The following MTA3 variants were observed in gnomAD, a reference collection of about 807,000 sequenced individuals.
MTA3 encodes metastasis associated 1 family member 3, also known as metastasis-associated protein MTA3.
In MTA3, 34 loss-of-function variants were observed where a neutral mutation model predicts 83.5. The observed-to-expected ratio is 0.41, with a 90% CI of 0.31 to 0.54. The LOEUF is 0.54. Among genes scored for constraint, MTA3 ranks in the 20% least tolerant of loss-of-function variants. The probability of loss-of-function intolerance (pLI) is 0.33; values close to 1 mark genes in which losing one functional copy is unlikely to be tolerated. For synonymous variants in MTA3, 303 were observed against 252.7 expected, an observed-to-expected ratio of 1.20 and a Z score of -1.89; for missense variants, 761 against 726.4, an observed-to-expected ratio of 1.05 and a Z score of -0.55.
chr2:42,598,578 T>A (rs1451405010), intron 3 of MTA3, among the ~76,000 whole-genome samples: 1 of 152,224 alleles, frequency 6.6e-6, no homozygotes, highest in East Asian at 1.9e-4. Flanking sequence ...GTCCTCTAAA[T>A]GCTTCTTTTG....
intron 6 of MTA3, among the ~76,000 whole-genome samples, chr2:42,653,938 C>T (rs954462476): frequency 5.3e-5 from 8 of 152,152 alleles, no homozygotes; most frequent in African/African-American, 1.4e-4. Context: ...TTTAAAAAGA[C>T]ACAGGCAGGT....
intron 16 of MTA3, among the ~76,000 whole-genome samples, chr2:42,728,684 T>C (rs147086929): frequency 7.5e-4 from 115 of 152,336 alleles, no homozygotes; most frequent in African/African-American, 2.6e-3. Context: ...ATTGTAGTTT[T>C]GATTTGCATT....
At chr2:42,742,341 G>T (rs1303214480) in intron 16 of MTA3, among the ~76,000 whole-genome samples, 1 of 152,042 alleles carries the variant, frequency 6.6e-6, no homozygotes, top group African/African-American at 2.4e-5. Context: ...CTTTCACCAT[G>T]TTGGCCAGGT....
rs576363005 is a variant in MTA3, at chr2:42,572,260, C to CAA, written c.96+1757_96+1758insAA. On this transcript the variant is annotated intron_variant, in intron 2 of 16. Coordinates refer to ENST00000405094, the MANE Select transcript of MTA3 (RefSeq NM_001330442.2). Reference sequence around the variant, plus strand: ...CGCCACTGCCCTCCAGCCTGGGTGACAGAGTGAGACTGTCTCAAAAAAAAA... The same window carrying CAA: ...CGCCACTGCCCTCCAGCCTGGGTGACAAAGAGTGAGACTGTCTCAAAAAAAAA... 4.6e-5 allele frequency among the ~76,000 whole-genome samples: 7 copies of CAA among 151,618 alleles called. No individual in the cohort carries two copies. The South Asian group carries it at 1.5e-3, about 32-fold the overall frequency.
intron 4 of MTA3, among the ~76,000 whole-genome samples, chr2:42,624,754 A>C (rs1022862286): frequency 2.0e-5 from 3 of 152,224 alleles, no homozygotes; most frequent in African/African-American, 7.2e-5. Flanking sequence ...TTAATAGTAG[A>C]CACTTGATAC....
intron 3 of MTA3, among the ~76,000 whole-genome samples, chr2:42,594,728 A>ATATATATATATATTTTTTT: frequency 8.7e-4 from 21 of 24,032 alleles, no homozygotes; most frequent in African/African-American, 1.3e-3. Context: ...ATATATATAT[A>ATATATATATATATTTTTTT]TTTTTTTTTT....
intron 16 of MTA3, among the ~76,000 whole-genome samples, chr2:42,739,649 C>A (rs1431925013): frequency 6.6e-6 from 1 of 152,142 alleles, no homozygotes; most frequent in Non-Finnish European, 1.5e-5. Context: ...CGAAAGATTT[C>A]TTTGTGGCGT....
At chr2:42,586,425 T>G (rs1401489683) in intron 3 of MTA3, among the ~76,000 whole-genome samples, 1 of 32,804 alleles carries the variant, frequency 3.0e-5, no homozygotes. Context: ...TATCTAAAAG[T>G]GAAAAAAAAA....
chr2:42,499,151 C>G (rs1572882293), intron 2 of MTA3, among the ~76,000 whole-genome samples: 2 of 151,876 alleles, frequency 1.3e-5, no homozygotes, highest in East Asian at 1.9e-4. Flanking sequence ...CATACTTAAG[C>G]ATTTGCTAAG....
rs1471299848 is a variant in MTA3 at position 42,605,158 on chromosome 2, G to A, written c.191-4300G>A. Among the ~76,000 whole-genome samples the A allele has an allele frequency of 2.5e-3, 366 of 146,356 alleles. 2 individuals carry two copies. The highest frequency in any genetic ancestry group is 0.012 in the East Asian group (62 of 4,994). On this transcript the variant is annotated intron_variant, in intron 3 of 16. Coordinates refer to ENST00000405094, the MANE Select transcript of MTA3 (RefSeq NM_001330442.2). Reference sequence around the variant, plus strand: ...GGGCTCCTCACTTCCCAGTAGGGGCGGCCGGGCAGAGGCGCCCCTCACCTC... The same window carrying A: ...GGGCTCCTCACTTCCCAGTAGGGGCAGCCGGGCAGAGGCGCCCCTCACCTC...
intron 2 of MTA3, among the ~76,000 whole-genome samples, chr2:42,548,814 TATATATATATATATA>T (rs1553340665): frequency 1.5e-4 from 5 of 33,700 alleles, no homozygotes; most frequent in East Asian, 5.1e-4. Flanking sequence ...AAAAAAAATA[TATATATATATATATA>T]ATATATATAT....
intron 8 of MTA3, 98 bp downstream of exon 8, chr2:42,659,960 CTCTTAGCCT>C: frequency 1.3e-6 from 1 of 798,982 alleles, no homozygotes; most frequent in Non-Finnish European, 1.8e-6. Context: ...AGCTTTTGGG[CTCTTAGCCT>C]TCCTGACTGC....
At chr2:42,712,574 A>G (rs994529801) in intron 14 of MTA3, among the ~76,000 whole-genome samples, 13 of 152,206 alleles carry the variant, frequency 8.5e-5, no homozygotes, top group Non-Finnish European at 1.6e-4. Context: ...AATCCATGCC[A>G]AAAGTTACTA....
At chr2:42,664,746 T>C (rs1444340897) in intron 8 of MTA3, among the ~76,000 whole-genome samples, 1 of 152,074 alleles carries the variant, frequency 6.6e-6, no homozygotes, top group African/African-American at 2.4e-5. Context: ...GAGGGCAGGG[T>C]TGTGGAACTG....
At chr2:42,745,678 A>T (rs1669353253) in intron 16 of MTA3, among the ~76,000 whole-genome samples, 1 of 151,608 alleles carries the variant, frequency 6.6e-6, no homozygotes. Flanking sequence ...GAGCCACTGC[A>T]CCCAGCTGAG....
chr2:42,607,082 GGGTAGGGGTAGGGGTAGA>G (rs1282513992), intron 3 of MTA3, among the ~76,000 whole-genome samples: 44 of 124,850 alleles, frequency 3.5e-4, no homozygotes, highest in Middle Eastern at 4.0e-3. Flanking sequence ...GTAGGGGTAG[GGGTAGGGGTAGGGGTAGA>G]GGTAGAGGTA....
chr2:42,694,690 A>G (rs1335648468), intron 9 of MTA3, among the ~76,000 whole-genome samples: 1 of 152,156 alleles, frequency 6.6e-6, no homozygotes, highest in Admixed American at 6.5e-5. Context: ...GTCTTCCTCA[A>G]TGCCTCTTTC....
chr2:42,640,589 G>A (rs892965117), intron 5 of MTA3, among the ~76,000 whole-genome samples: 3 of 152,066 alleles, frequency 2.0e-5, no homozygotes, highest in Non-Finnish European at 4.4e-5. Flanking sequence ...TTGAATAAAT[G>A]GTTTTTCTTT....
chr2:42,539,442 T>C (rs1676422321), intron 2 of MTA3, among the ~76,000 whole-genome samples: 1 of 151,904 alleles, frequency 6.6e-6, no homozygotes, highest in African/African-American at 2.4e-5. Flanking sequence ...ATCACGAGAA[T>C]AGCATGGGGG....
Sources: allele counts gnomAD v4.1 joint callset (sites outside exome capture counted in the v4.1 genomes callset), GRCh38; gene constraint gnomAD v4.1.1; transcripts MANE v1.5; gene names NCBI Gene and HGNC (gene_info 2026-07-23, HGNC 2026-07-21).